RASL12: variants seen among roughly 807,000 people sequenced by gnomAD.
The protein encoded by RASL12 is ras-like protein family member 12.
In RASL12, 16 loss-of-function variants were observed where a neutral mutation model predicts 22.9. That is an observed-to-expected ratio of 0.70 (90% CI 0.47 to 1.06). The LOEUF is 1.06. Ranked by LOEUF, RASL12 falls within the 50% of genes least tolerant of loss-of-function variation. RASL12 has a pLI of 0.00. For missense variants in RASL12, 306 were observed against 353.1 expected, an observed-to-expected ratio of 0.87 and a Z score of 1.07; for synonymous variants, 159 against 152.2, an observed-to-expected ratio of 1.04 and a Z score of -0.33.
At chr15:65,068,037 C>T, upstream of RASL12, 1 of 1,116,242 alleles carries the variant, frequency 9.0e-7, no homozygotes, top group East Asian at 5.0e-5. This position sits in a 1 kb window ranked among gnomAD's most constrained non-coding sequence, Gnocchi z 4.2. Flanking sequence ...GCGGGCGGGG[C>T]CACCCCAAGC....
downstream of RASL12, chr15:65,049,943 G>T: frequency 8.8e-6 from 12 of 1,366,894 alleles, no homozygotes; most frequent in Non-Finnish European, 1.2e-5. Context: ...GAGGAGGCCA[G>T]GAGGGCTGCT....
chr15:65,062,063 C>CAA (rs547999122), intron 2 of RASL12, among the ~76,000 whole-genome samples: 6 of 77,418 alleles, frequency 7.8e-5, no homozygotes, highest in African/African-American at 1.9e-4. Context: ...CCTGGGTGAC[C>CAA]AAAAAAAAAA....
chr15:65,051,704 C>A, downstream of RASL12: 2 of 1,072,782 alleles, frequency 1.9e-6, no homozygotes, highest in African/African-American at 1.6e-5. Context: ...GGGGTCATTG[C>A]TGTCCACCCT....
Position 65,053,434 on chromosome 15 carries a change from C to A in RASL12, c.*1465G>T. ...GATGGCAGTGGTACACACACACATA[C>A]ACACACAAGTGGCCTGGAGCAAAAG... On this transcript the variant is annotated 3_prime_UTR_variant, in exon 5 of 5. Coordinates refer to ENST00000220062, the MANE Select transcript of RASL12 (RefSeq NM_016563.4). 1 of 1,256,014 alleles carries A rather than the reference C, an allele frequency of 8.0e-7. No homozygotes were observed. The highest frequency in any genetic ancestry group is 1.0e-6 in the Non-Finnish European group (1 of 998,056). 77.8% of individuals were successfully genotyped at this position (1,256,014 alleles called of 1,614,324 possible).
chr15:65,076,296 C>A (rs61447573), intron 1 of RASL12, among the ~76,000 whole-genome samples: 1,550 of 152,276 alleles, frequency 0.01, 24 homozygotes, highest in African/African-American at 0.035. Context: ...TAACACTCAC[C>A]GTGAAAGTCT....
chr15:65,059,536 G>T, intron 2 of RASL12, 118 bp from the exon 3 acceptor site: 1 of 760,392 alleles, frequency 1.3e-6, no homozygotes, highest in East Asian at 2.6e-5. Flanking sequence ...CTGGGGCTGG[G>T]ACCACTGGAA....
chr15:65,053,143 T>C, downstream of RASL12: 3 of 1,614,092 alleles, frequency 1.9e-6, no homozygotes, highest in African/African-American at 1.3e-5. Context: ...TCCTTCCGGA[T>C]GTACCAGAAA....
intron 2 of RASL12, among the ~76,000 whole-genome samples, chr15:65,064,291 TCTAA>T (rs746291116): frequency 6.6e-6 from 1 of 152,218 alleles, no homozygotes; most frequent in Non-Finnish European, 1.5e-5. Flanking sequence ...ACAGCAATTC[TCTAA>T]CTATTTTTTA....
intron 1 of RASL12, among the ~76,000 whole-genome samples, chr15:65,074,752 A>C (rs554807809): frequency 1.1e-4 from 16 of 152,254 alleles, no homozygotes; most frequent in Non-Finnish European, 1.5e-4. Context: ...GAGGGCACAC[A>C]GCTGGAAAGA....
intron 4 of RASL12, among the ~76,000 whole-genome samples, chr15:65,056,800 G>T (rs2086737785): frequency 6.6e-6 from 1 of 152,150 alleles, no homozygotes; most frequent in South Asian, 2.1e-4. Flanking sequence ...TACTAAACTT[G>T]GGACTTGATC....
intron 1 of RASL12, among the ~76,000 whole-genome samples, chr15:65,067,041 A>C (rs1455835532): frequency 1.3e-5 from 2 of 152,186 alleles, no homozygotes; most frequent in Admixed American, 1.3e-4. Context: ...TGTTTCCAGA[A>C]AGTTGAGAGG....
chr15:65,050,833 C>CTTTTTTTTTTTTTTTT (rs67418433), downstream of RASL12, among the ~76,000 whole-genome samples: 108 of 88,580 alleles, frequency 1.2e-3, no homozygotes, highest in Non-Finnish European at 1.5e-3. Context: ...TCTTCTTCTT[C>CTTTTTTTTTTTTTTTT]TTCTTTTTTT....
At chr15:65,074,143 C>T (rs2086949410) in intron 1 of RASL12, among the ~76,000 whole-genome samples, 1 of 152,204 alleles carries the variant, frequency 6.6e-6, no homozygotes, top group South Asian at 2.1e-4. Context: ...AAGCCCAAGC[C>T]AAATTAAAAC....
In RASL12 at chr15:65,067,746, C is replaced by A. The variant is rs2086895986; in HGVS notation, c.90G>T (p.Gly30=). 1 of 1,568,098 alleles carries A rather than the reference C, an allele frequency of 6.4e-7. No homozygotes were observed. The highest frequency in any genetic ancestry group is 8.6e-7 in the Non-Finnish European group (1 of 1,159,622). The change falls in exon 1 of 5, where the codon GGG becomes GGT. Residue 30 remains glycine, a synonymous_variant. Coordinates refer to ENST00000220062, the MANE Select transcript of RASL12 (RefSeq NM_016563.4). ...EVNLAILGRR[G]AGKSALTVKF... is the part of the protein sequence containing the mutation. ...GGCGCCACTCACCAGACTTGCCAGCCCCGCGGCGCCCCAGGATGGCCAGGT... is the reference window on the plus strand; with the variant it reads ...GGCGCCACTCACCAGACTTGCCAGCACCGCGGCGCCCCAGGATGGCCAGGT...
intron 1 of RASL12, among the ~76,000 whole-genome samples, chr15:65,074,524 AG>A (rs1380104421): frequency 6.6e-6 from 1 of 152,008 alleles, no homozygotes. Context: ...CTCATAAAGT[AG>A]CTGGTATTAC....
At chr15:65,049,625 C>T (rs2140505792), downstream of RASL12, 1 of 157,188 alleles carries the variant, frequency 6.4e-6, no homozygotes, top group East Asian at 1.8e-4. Context: ...CAGGCGAAGA[C>T]CCGAGATGTC....
intron 1 of RASL12, among the ~76,000 whole-genome samples, chr15:65,073,552 T>C (rs2086945916): frequency 6.6e-6 from 1 of 152,160 alleles, no homozygotes; most frequent in Non-Finnish European, 1.5e-5. Flanking sequence ...CGGCTGTAAA[T>C]ATAGATGAAG....
At chr15:65,070,842 G>A (rs954520525), upstream of RASL12, among the ~76,000 whole-genome samples, 9 of 152,230 alleles carry the variant, frequency 5.9e-5, no homozygotes, top group African/African-American at 1.9e-4. Flanking sequence ...AAGGGGAACA[G>A]AACCTTAGAA....
At chr15:65,050,836 C>CTTTTTTTTTTTTTTTT (rs57404080), downstream of RASL12, among the ~76,000 whole-genome samples, 1 of 95,650 alleles carries the variant, frequency 1.0e-5, no homozygotes, top group Non-Finnish European at 1.9e-5. Flanking sequence ...TCTTCTTCTT[C>CTTTTTTTTTTTTTTTT]TTTTTTTTTT....
Sources: allele counts gnomAD v4.1 joint callset (sites outside exome capture counted in the v4.1 genomes callset), GRCh38; gene constraint gnomAD v4.1.1; non-coding constraint Gnocchi (gnomAD v3.1); transcripts MANE v1.5; gene names NCBI Gene and HGNC (gene_info 2026-07-23, HGNC 2026-07-21).